PDE1C: variants seen among roughly 807,000 people sequenced by gnomAD.
PDE1C encodes dual specificity calcium/calmodulin-dependent 3',5'-cyclic nucleotide phosphodiesterase 1C.
A neutral mutation model predicts 93.1 loss-of-function variants in PDE1C; 62 were observed. That is an observed-to-expected ratio of 0.67 (90% CI 0.54 to 0.82). The LOEUF (loss-of-function observed/expected upper bound fraction) is 0.82, where lower values mean the gene tolerates loss of function less well. Among genes scored for constraint, PDE1C ranks in the 40% least tolerant of loss-of-function variants. The pLI is 0.00. For synonymous variants in PDE1C, 325 were observed against 310.1 expected (o/e 1.05, Z -0.50); for missense variants, 742 against 884.6 (o/e 0.84, Z 2.04).
chr7:31,933,785 C>G (rs557974060), intron 2 of PDE1C, among the ~76,000 whole-genome samples: 1 of 152,340 alleles, frequency 6.6e-6, no homozygotes, highest in East Asian at 1.9e-4. Context: ...CTTGCTCATG[C>G]TTCTGCCATG....
At chr7:32,360,060 C>T (rs1277471894) in intron 1 of PDE1C, among the ~76,000 whole-genome samples, 2 of 152,168 alleles carry the variant, frequency 1.3e-5, no homozygotes, top group Non-Finnish European at 2.9e-5. Flanking sequence ...TCTTCCCTGA[C>T]TCTGAATTCC....
chr7:31,640,938 G>A, the PDE1C span, among the ~76,000 whole-genome samples: 1 of 152,148 alleles, frequency 6.6e-6, no homozygotes, highest in Non-Finnish European at 1.5e-5. Flanking sequence ...GAATTAAAGA[G>A]TGTGGAGTTT....
At chr7:31,719,442 T>TA in the PDE1C span, among the ~76,000 whole-genome samples, 1 of 152,284 alleles carries the variant, frequency 6.6e-6, no homozygotes, top group East Asian at 1.9e-4. Flanking sequence ...CAAAAAAGGA[T>TA]TTTTTCCACT....
intron 2 of PDE1C, among the ~76,000 whole-genome samples, chr7:31,890,637 C>A (rs1754829707): frequency 6.6e-6 from 1 of 152,178 alleles, no homozygotes; most frequent in African/African-American, 2.4e-5. Context: ...TACCATACTA[C>A]AAATATAAGT....
At chr7:31,715,443 T>A in the PDE1C span, among the ~76,000 whole-genome samples, 1 of 152,224 alleles carries the variant, frequency 6.6e-6, no homozygotes, top group African/African-American at 2.4e-5. Context: ...TTCGCCATAT[T>A]GGCCAGGCTG....
the PDE1C span, among the ~76,000 whole-genome samples, chr7:31,710,050 G>T: frequency 6.6e-6 from 1 of 152,146 alleles, no homozygotes; most frequent in Non-Finnish European, 1.5e-5. Flanking sequence ...TCAGGAGGCT[G>T]AAGTAGGAGG....
chr7:32,307,561 T>A (rs1481763953), intron 1 of PDE1C, among the ~76,000 whole-genome samples: 1 of 152,114 alleles, frequency 6.6e-6, no homozygotes, highest in East Asian at 1.9e-4. Flanking sequence ...CTCCACTGTT[T>A]TCACTCAATC....
At chr7:31,628,745 C>A in the PDE1C span, among the ~76,000 whole-genome samples, 1 of 152,108 alleles carries the variant, frequency 6.6e-6, no homozygotes, top group Non-Finnish European at 1.5e-5. Context: ...CTTGAGCCAC[C>A]GCGCCCGGCC....
intron 3 of PDE1C, among the ~76,000 whole-genome samples, chr7:32,103,265 G>T (rs1196315827): frequency 6.6e-6 from 1 of 152,172 alleles, no homozygotes; most frequent in Non-Finnish European, 1.5e-5. Flanking sequence ...CCAGAGAAGA[G>T]AATGCTATAA....
chr7:32,264,903 C>G (rs897191293), intron 1 of PDE1C, among the ~76,000 whole-genome samples: 6 of 152,224 alleles, frequency 3.9e-5, no homozygotes, highest in African/African-American at 1.4e-4. Flanking sequence ...CAAACAGATC[C>G]TTTTTTGTTC....
intron 3 of PDE1C, among the ~76,000 whole-genome samples, chr7:32,119,834 A>G (rs530327432): frequency 6.6e-6 from 1 of 152,330 alleles, no homozygotes; most frequent in African/African-American, 2.4e-5. Flanking sequence ...GATTCTCAAC[A>G]GCCTCTCAGC....
chr7:32,315,471 G>A (rs911507145), intron 1 of PDE1C, among the ~76,000 whole-genome samples: 1 of 152,072 alleles, frequency 6.6e-6, no homozygotes, highest in Non-Finnish European at 1.5e-5. Context: ...GGGATTATAG[G>A]TTACTTGGTT....
chr7:32,203,797 C>T (rs978360879), intron 2 of PDE1C, among the ~76,000 whole-genome samples: 2 of 152,150 alleles, frequency 1.3e-5, no homozygotes, highest in African/African-American at 4.8e-5. Context: ...CTTATCCTGT[C>T]CTGTGGCCAT....
At chr7:32,408,900 G>C (rs112152079) in intron 1 of PDE1C, among the ~76,000 whole-genome samples, 2,006 of 152,284 alleles carry the variant, frequency 0.013, 38 homozygotes, top group African/African-American at 0.046. Flanking sequence ...AATAGAATTT[G>C]CCTACAGATT....
At chr7:31,798,473 C>T (rs1228196088) in intron 16 of PDE1C, among the ~76,000 whole-genome samples, 2 of 151,628 alleles carry the variant, frequency 1.3e-5, no homozygotes, top group African/African-American at 4.8e-5. Flanking sequence ...CTAAAAAGTC[C>T]TATGTCAAGA....
At chr7:32,042,311 A>G (rs760013816) in intron 2 of PDE1C, among the ~76,000 whole-genome samples, 6 of 152,154 alleles carry the variant, frequency 3.9e-5, no homozygotes, top group Non-Finnish European at 7.4e-5. Flanking sequence ...AACAAAAACA[A>G]AAACAGAAAA....
At chr7:31,781,649 G>C (rs887898781) in intron 16 of PDE1C, among the ~76,000 whole-genome samples, 1 of 151,900 alleles carries the variant, frequency 6.6e-6, no homozygotes, top group Admixed American at 6.6e-5. Context: ...TCTGCTTCAG[G>C]CTGTGGGAAC....
chr7:31,860,303 C>A (rs1234867782), intron 7 of PDE1C, among the ~76,000 whole-genome samples: 2 of 152,102 alleles, frequency 1.3e-5, no homozygotes, highest in Non-Finnish European at 2.9e-5. Context: ...ACAGGTCAGG[C>A]ATACTGCTAC....
At chr7:32,193,253 T>G (rs1804360902) in intron 2 of PDE1C, among the ~76,000 whole-genome samples, 2 of 152,150 alleles carry the variant, frequency 1.3e-5, no homozygotes, top group South Asian at 4.1e-4. Context: ...AAAGCATCCG[T>G]TTTTGCCCTT....
Sources: allele counts gnomAD v4.1 joint callset (sites outside exome capture counted in the v4.1 genomes callset), GRCh38; gene constraint gnomAD v4.1.1; transcripts MANE v1.5; gene names NCBI Gene and HGNC (gene_info 2026-07-23, HGNC 2026-07-21).